The following TMEM183A variants were observed in gnomAD, a reference collection of about 807,000 sequenced individuals.
The protein encoded by TMEM183A is chromosome 1 open reading frame 37.
A neutral mutation model predicts 46.7 loss-of-function variants in TMEM183A; 21 were observed. The observed-to-expected ratio is 0.45, with a 90% CI of 0.32 to 0.65. The LOEUF (loss-of-function observed/expected upper bound fraction) is 0.65, where lower values mean the gene tolerates loss of function less well. TMEM183A is among the 30% of genes least tolerant of loss of function. The probability of loss-of-function intolerance (pLI) is 0.04; values close to 1 mark genes in which losing one functional copy is unlikely to be tolerated. For missense variants in TMEM183A, 331 were observed against 481.9 expected (o/e 0.69, Z 2.93); for synonymous variants, 165 against 180.2 (o/e 0.92, Z 0.68).
At chr1:203,014,141 T>C (rs1174284308) in intron 3 of TMEM183A, among the ~76,000 whole-genome samples, 2 of 152,262 alleles carry the variant, frequency 1.3e-5, no homozygotes, top group East Asian at 3.8e-4. Flanking sequence ...CAGGGCTTAA[T>C]AGCATAAAGC....
At chr1:203,015,712 A>G (rs1007831419) in intron 4 of TMEM183A, 22 of 506,130 alleles carry the variant, frequency 4.3e-5, no homozygotes, top group Non-Finnish European at 6.6e-5. Context: ...ACCGATACCA[A>G]TTCAGAGTTT....
chr1:203,010,995 C>G (rs557347333), intron 3 of TMEM183A, among the ~76,000 whole-genome samples: 1 of 152,298 alleles, frequency 6.6e-6, no homozygotes, highest in Admixed American at 6.5e-5. Flanking sequence ...ATAATGTTTT[C>G]AAGGTTCATC....
rs1244395659 is a variant in TMEM183A at position 203,013,816 on chromosome 1, G to A, written c.368-1073G>A. Among the ~76,000 whole-genome samples the A allele has an allele frequency of 2.1e-5, 3 of 141,560 alleles. No homozygotes were observed. The highest frequency in any genetic ancestry group is 4.2e-4 in the East Asian group (2 of 4,756). The allele number at this position is 141,560 out of a possible 152,430, so 92.9% of individuals were successfully genotyped here. A position where few individuals can be genotyped will look rare whatever the true frequency, so the allele number is the denominator to read the frequency against. ...GCGTGAGCCACCGTGCCCGGCCTAA[G>A]TGCCATCTCAGCTCACTGCAACCTC... is the stretch of plus-strand genomic sequence containing the variant. On this transcript the variant is annotated intron_variant, in intron 3 of 7. Transcript: ENST00000367242. The surrounding 1 kb of genome is among the most constrained non-coding windows in gnomAD (Gnocchi z 4.0).
chr1:203,011,499 C>T lies in TMEM183A; in HGVS notation c.367+2689C>T, dbSNP rs144158989. On this transcript the variant is annotated intron_variant, in intron 3 of 7. Coordinates refer to ENST00000367242, the MANE Select transcript of TMEM183A (RefSeq NM_138391.6). ...TCGGCTCACTGCAACCTCTGCCTCC[C>T]GGGTTCAAGCGATTCTCCTACCTCA... Among the ~76,000 whole-genome samples the T allele has an allele frequency of 7.5e-3, 1,147 of 152,156 alleles. 21 individuals carry two copies. Among genetic ancestry groups the T allele is most frequent in the African/African-American group, 0.027 (1,103 of 41,494 alleles).
chr1:203,020,814 T>G lies in TMEM183A; in HGVS notation c.811T>G (p.Cys271Gly). The G allele has an allele frequency of 2.5e-6, 4 of 1,613,962 alleles. No individual in the cohort carries two copies. The highest frequency in any genetic ancestry group is 3.4e-6 in the Non-Finnish European group (4 of 1,179,906). ...KKQSPRLKSKCTGGLQPPVQY... is the reference protein window; with the variant it reads ...KKQSPRLKSKGTGGLQPPVQY... Reference sequence around the variant, plus strand: ...TCAGTCCCCTAGGTTAAAGAGCAAGTGTACAGGAGGATTGCAGCCTCCCGT... The same window carrying G: ...TCAGTCCCCTAGGTTAAAGAGCAAGGGTACAGGAGGATTGCAGCCTCCCGT... Residue 271 changes from cysteine to glycine, a missense_variant, in exon 7 of 8, where the codon TGT (cysteine) becomes GGT (glycine). Coordinates refer to ENST00000367242, the MANE Select transcript of TMEM183A (RefSeq NM_138391.6).
chr1:203,021,159 A>G (rs1380653324), intron 7 of TMEM183A, among the ~76,000 whole-genome samples: 3 of 151,656 alleles, frequency 2.0e-5, no homozygotes, highest in Non-Finnish European at 2.9e-5. Flanking sequence ...CAGCCTCCCA[A>G]GTAGTTAGGA....
intron 5 of TMEM183A, among the ~76,000 whole-genome samples, chr1:203,018,215 A>G (rs1397712246): frequency 6.6e-6 from 1 of 152,192 alleles, no homozygotes; most frequent in Non-Finnish European, 1.5e-5. Context: ...AGATAAGACA[A>G]TAGGAGTTGA....
At chr1:203,016,540 T>C (rs1411558372) in intron 5 of TMEM183A, among the ~76,000 whole-genome samples, 2 of 152,204 alleles carry the variant, frequency 1.3e-5, no homozygotes, top group African/African-American at 2.4e-5. Flanking sequence ...TCACTATTTT[T>C]CTCTTTCTAA....
At position 203,007,419 on chromosome 1, in the gene TMEM183A, G is replaced by A; in HGVS notation, c.-47G>A. On this transcript the variant is annotated 5_prime_UTR_variant, in exon 1 of 8. Coordinates refer to ENST00000367242, the MANE Select transcript of TMEM183A (RefSeq NM_138391.6). Reference sequence around the variant, plus strand: ...CCGGTGTGGGATGGCCGCGGAGCCGGGCGGAGCTGGCTTGCGGCTCCCGGG... The same window carrying A: ...CCGGTGTGGGATGGCCGCGGAGCCGAGCGGAGCTGGCTTGCGGCTCCCGGG... 20 of 1,365,482 alleles carry A rather than the reference G, an allele frequency of 1.5e-5. No individual in the cohort carries two copies. Among genetic ancestry groups the A allele is most frequent in the Non-Finnish European group, 1.9e-5 (20 of 1,058,168 alleles). The allele number at this position is 1,365,482 out of a possible 1,614,324, so 84.6% of individuals were successfully genotyped here.
At chr1:203,019,161 G>A (rs1177429416) in intron 6 of TMEM183A, among the ~76,000 whole-genome samples, 1 of 152,198 alleles carries the variant, frequency 6.6e-6, no homozygotes, top group African/African-American at 2.4e-5. Context: ...TGGATTTTGG[G>A]TTTGTGGATT....
At chr1:203,014,779 A>T in intron 3 of TMEM183A, 110 bp from the exon 4 acceptor site, 1 of 1,460,756 alleles carries the variant, frequency 6.8e-7, no homozygotes, top group East Asian at 2.4e-5. Flanking sequence ...CCTTGGACCT[A>T]TTTAAAACCA....
intron 6 of TMEM183A, among the ~76,000 whole-genome samples, chr1:203,019,347 T>G (rs982850882): frequency 5.3e-5 from 8 of 152,140 alleles, no homozygotes; most frequent in African/African-American, 1.9e-4. Context: ...AAAGAGTAAA[T>G]CTTGAGTGGA....
At chr1:203,007,628 G>T (rs1656079942) in intron 1 of TMEM183A, 54 bp downstream of exon 1, 1 of 1,519,050 alleles carries the variant, frequency 6.6e-7, no homozygotes, top group South Asian at 1.2e-5. Flanking sequence ...CGGCTGGGAG[G>T]GGGCTGGACC....
intron 4 of TMEM183A, 120 bp from the exon 5 acceptor site, chr1:203,015,840 T>C (rs1027301145): frequency 7.9e-7 from 1 of 1,270,734 alleles, no homozygotes; most frequent in Non-Finnish European, 1.1e-6. Context: ...GGGGACAGGC[T>C]ATCTACTGGC....
At chr1:203,022,385 T>C (rs1023882054) in intron 7 of TMEM183A, among the ~76,000 whole-genome samples, 1 of 152,142 alleles carries the variant, frequency 6.6e-6, no homozygotes, top group Non-Finnish European at 1.5e-5. Context: ...GAAGGCCTTA[T>C]AAAATTCTCC....
intron 7 of TMEM183A, 104 bp from the exon 8 acceptor site, chr1:203,022,751 G>T (rs77336157): frequency 3.7e-5 from 48 of 1,286,850 alleles, no homozygotes; most frequent in Non-Finnish European, 5.0e-5. Flanking sequence ...GATTAATCTT[G>T]TGGCCTAGCC....
chr1:203,007,792 C>T lies in TMEM183A; in HGVS notation c.128C>T (p.Ala43Val), dbSNP rs1389950565. Residue 43 changes from alanine (A) to valine (V), a missense_variant, in exon 2 of 8, where the codon GCC becomes GTC. Coordinates refer to ENST00000367242, the MANE Select transcript of TMEM183A (RefSeq NM_138391.6). Reference protein sequence around the residue: ...CSGRVTVADYANSDPAVVRSG... With the variant: ...CSGRVTVADYVNSDPAVVRSG... ...GTTGCAGTGACCGTGGCGGATTACG[C>T]CAACTCGGATCCGGCGGTCGTGAGG... is the stretch of plus-strand genomic sequence containing the variant. 6.2e-7 allele frequency: 1 copy of T among 1,613,976 alleles called. No individual in the cohort carries two copies. The highest frequency in any genetic ancestry group is 2.2e-5 in the East Asian group (1 of 44,878).
intron 3 of TMEM183A, among the ~76,000 whole-genome samples, chr1:203,010,294 C>G (rs745661045): frequency 6.6e-6 from 1 of 152,076 alleles, no homozygotes; most frequent in Non-Finnish European, 1.5e-5. Context: ...GGTATGATTG[C>G]TTTGGAATTA....
chr1:203,015,327 T>G, intron 4 of TMEM183A: 1 of 451,482 alleles, frequency 2.2e-6, no homozygotes, highest in Non-Finnish European at 3.9e-6. Flanking sequence ...TCTTTGACTT[T>G]TCTTCAGAGG....
Sources: allele counts gnomAD v4.1 joint callset (sites outside exome capture counted in the v4.1 genomes callset), GRCh38; gene constraint gnomAD v4.1.1; non-coding constraint Gnocchi (gnomAD v3.1); transcripts MANE v1.5; gene names NCBI Gene and HGNC (gene_info 2026-07-23, HGNC 2026-07-21).